FBXW10B: variants seen among roughly 807,000 people sequenced by gnomAD.
FBXW10B encodes F-box and WD repeat domain containing 10B, also known as F-box and WD repeat domain containing protein 10B.
the FBXW10B span, among the ~76,000 whole-genome samples, chr17:15,579,463 T>C: frequency 0.017 from 2,643 of 152,242 alleles, 85 homozygotes; most frequent in African/African-American, 0.059. Context: ...AGAGGCTTTC[T>C]CCAGAAACTC....
the FBXW10B span, among the ~76,000 whole-genome samples, chr17:15,585,703 T>C: frequency 6.6e-6 from 1 of 152,216 alleles, no homozygotes; most frequent in Non-Finnish European, 1.5e-5. Flanking sequence ...TTTGCTAATT[T>C]TTTTCAAAAC....
chr17:15,577,944 A>G, the FBXW10B span, among the ~76,000 whole-genome samples: 2 of 150,886 alleles, frequency 1.3e-5, no homozygotes, highest in Non-Finnish European at 2.9e-5. Context: ...GGGAACAGAC[A>G]TGGAGACCAA....
the FBXW10B span, among the ~76,000 whole-genome samples, chr17:15,597,183 C>CATTTAAAATACA: frequency 6.6e-6 from 1 of 151,588 alleles, no homozygotes; most frequent in South Asian, 2.1e-4. Context: ...TTTTTAAATA[C>CATTTAAAATACA]TTCTGAATCT....
the FBXW10B span, chr17:15,618,982 T>C: frequency 1.1e-5 from 18 of 1,607,912 alleles, no homozygotes; most frequent in East Asian, 2.2e-5. Flanking sequence ...GGGGGCCCTC[T>C]AGTCTCTGCC....
the FBXW10B span, chr17:15,573,978 G>C: frequency 5.2e-6 from 3 of 575,312 alleles, no homozygotes; most frequent in Non-Finnish European, 9.2e-6. Flanking sequence ...CAGTACTTAA[G>C]TTTTAGTTAT....
the FBXW10B span, among the ~76,000 whole-genome samples, chr17:15,595,961 G>A: frequency 8.3e-5 from 12 of 143,832 alleles, no homozygotes; most frequent in South Asian, 6.5e-4. Context: ...TCACTGCAAC[G>A]TCTGCCTCCC....
the FBXW10B span, among the ~76,000 whole-genome samples, chr17:15,609,573 C>T: frequency 6.6e-6 from 1 of 150,790 alleles, no homozygotes; most frequent in Non-Finnish European, 1.5e-5. Flanking sequence ...TGTGAGACCT[C>T]GGCCACTTTC....
At chr17:15,613,961 G>A in the FBXW10B span, 1 of 1,545,874 alleles carries the variant, frequency 6.5e-7, no homozygotes, top group Non-Finnish European at 8.8e-7. Context: ...CCCTGGCTTG[G>A]TTATGTCTGC....
chr17:15,565,941 C>A, the FBXW10B span: 7 of 1,598,760 alleles, frequency 4.4e-6, no homozygotes, highest in Non-Finnish European at 6.0e-6. Context: ...TGCCAGAGAA[C>A]CTGGAGCGGA....
chr17:15,612,646 G>A, the FBXW10B span: 68 of 1,611,884 alleles, frequency 4.2e-5, 1 homozygote, highest in African/African-American at 8.1e-4. Context: ...AGCCTTCAAT[G>A]GCAATTAGAA....
the FBXW10B span, chr17:15,598,871 A>G: frequency 9.7e-5 from 81 of 831,744 alleles, no homozygotes; most frequent in African/African-American, 8.7e-4. Flanking sequence ...CATTGATAAA[A>G]TGGAAATAAT....
the FBXW10B span, among the ~76,000 whole-genome samples, chr17:15,606,537 T>A: frequency 1.3e-5 from 2 of 149,782 alleles, no homozygotes; most frequent in African/African-American, 5.0e-5. Flanking sequence ...AAAAAAGAAA[T>A]ATGGATAGTA....
the FBXW10B span, among the ~76,000 whole-genome samples, chr17:15,579,187 G>A: frequency 1.8e-4 from 27 of 151,558 alleles, no homozygotes; most frequent in South Asian, 1.5e-3. Context: ...GTGTCTGTGT[G>A]TGTGAAACCA....
At chr17:15,571,974 A>AG in the FBXW10B span, 2 of 115,636 alleles carry the variant, frequency 1.7e-5, no homozygotes, top group Non-Finnish European at 3.6e-5. Context: ...CGGTGGGGGG[A>AG]GGGGTGCGGG....
At chr17:15,608,115 A>C in the FBXW10B span, among the ~76,000 whole-genome samples, 4 of 151,646 alleles carry the variant, frequency 2.6e-5, no homozygotes, top group Non-Finnish European at 5.9e-5. Context: ...AGGGGATTTT[A>C]AGCCAACTGT....
the FBXW10B span, chr17:15,588,877 A>T: frequency 6.2e-7 from 1 of 1,613,872 alleles, no homozygotes; most frequent in African/African-American, 1.3e-5. Flanking sequence ...GTCCTTTGCC[A>T]CTTGTTGTGC....
chr17:15,618,047 T>A, the FBXW10B span, among the ~76,000 whole-genome samples: 1 of 152,122 alleles, frequency 6.6e-6, no homozygotes, highest in African/African-American at 2.4e-5. Context: ...ACAGAATCCC[T>A]GGTTGAGTGC....
At chr17:15,591,430 C>T in the FBXW10B span, among the ~76,000 whole-genome samples, 6 of 152,148 alleles carry the variant, frequency 3.9e-5, no homozygotes, top group East Asian at 1.9e-4. Flanking sequence ...GCTGGGATTA[C>T]AGGTGTGCAC....
the FBXW10B span, chr17:15,596,461 A>G: frequency 1.4e-5 from 20 of 1,432,774 alleles, no homozygotes; most frequent in Non-Finnish European, 1.9e-5. Context: ...GGGGGAGCCC[A>G]CCCATCTCCT....
Sources: gnomAD v4.1 joint callset for allele counts (sites outside exome capture counted in the v4.1 genomes callset) on GRCh38, gnomAD v4.1.1 for gene constraint, MANE v1.5 for transcripts, NCBI Gene and HGNC (gene_info 2026-07-23, HGNC 2026-07-21) for gene names.